OR4K1: variants seen among roughly 807,000 people sequenced by gnomAD.
The protein encoded by OR4K1 is olfactory receptor family 4 subfamily K member 1.
Under a neutral mutation model 14.4 loss-of-function variants are expected in OR4K1, and 16 were observed. That is an observed-to-expected ratio of 1.11 (90% CI 0.75 to 1.68). The LOEUF is 1.68. OR4K1 is among the 40% of genes most tolerant of loss of function. OR4K1 has a pLI of 0.00. For synonymous variants in OR4K1, 181 were observed against 133.1 expected, an observed-to-expected ratio of 1.36 and a Z score of -2.48; for missense variants, 548 against 376.9, an observed-to-expected ratio of 1.45 and a Z score of -3.76.
Position 19,935,788 on chromosome 14 carries a change from G to T in OR4K1, c.122G>T (p.Gly41Val). 1 of 1,614,128 alleles carries T rather than the reference G, an allele frequency of 6.2e-7. No homozygotes were observed. The highest frequency in any genetic ancestry group is 8.5e-7 in the Non-Finnish European group (1 of 1,179,982). ...ATAGTCTATGTGACATCAGTGCTAG[G>T]CAATGTCTTAATTATTGTCATTATT... Reference protein sequence around the residue: ...FSIVYVTSVLGNVLIIVIISF... With the variant: ...FSIVYVTSVLVNVLIIVIISF... Residue 41 changes from glycine (G) to valine (V), a missense_variant, in exon 2 of 2, where the codon GGC (glycine) becomes GTC (valine). Physicochemically the swap from Gly to Val is moderately radical, Grantham distance 109. Transcript: ENST00000641172.
intron 1 of OR4K1, among the ~76,000 whole-genome samples, chr14:19,935,397 C>A (rs1882281105): frequency 6.6e-6 from 1 of 152,146 alleles, no homozygotes; most frequent in Non-Finnish European, 1.5e-5. Context: ...ATTTTCATTT[C>A]TTTAGTATGT....
chr14:19,933,914 T>G (rs1295785262), intron 1 of OR4K1, among the ~76,000 whole-genome samples: 2 of 152,212 alleles, frequency 1.3e-5, no homozygotes, highest in Non-Finnish European at 2.9e-5. Flanking sequence ...ATTCAATTCT[T>G]CATAACCAAT....
At position 19,936,560 on chromosome 14, in the gene OR4K1, G is replaced by A. The variant is rs1178790605; in HGVS notation, c.894G>A (p.Met298Ile). Residue 298 changes from methionine to isoleucine, a missense_variant, in exon 2 of 2, where the codon ATG becomes ATA. Coordinates refer to ENST00000641172, the MANE Select transcript of OR4K1 (RefSeq NM_001004063.3). The stretch of plus-strand genomic sequence containing the variant: ...GGAATGAAGATGTTAAAGCAGCCAT[G>A]TGGAAGCTGAGAAACCGTCATGTGA... The part of the protein sequence containing the change: ...SLRNEDVKAA[M>I]WKLRNRHVNS... The A allele has an allele frequency of 1.9e-6, 3 of 1,609,054 alleles. No homozygotes were observed. Among genetic ancestry groups the A allele is most frequent in the Admixed American group, 3.4e-5 (2 of 58,994 alleles).
At chr14:19,933,767 A>G (rs1277003441) in intron 1 of OR4K1, among the ~76,000 whole-genome samples, 1 of 152,144 alleles carries the variant, frequency 6.6e-6, no homozygotes, top group Non-Finnish European at 1.5e-5. Context: ...TTGTATTTTT[A>G]GTAGAGACGG....
At chr14:19,920,979 GC>G in the OR4K1 span, 2 of 1,614,160 alleles carry the variant, frequency 1.2e-6, no homozygotes, top group Non-Finnish European at 1.7e-6. Flanking sequence ...CAGGTATGTA[GC>G]CATATGCAAA....
the OR4K1 span, chr14:19,921,629 T>A: frequency 6.6e-7 from 1 of 1,519,486 alleles, no homozygotes; most frequent in Non-Finnish European, 8.9e-7. Flanking sequence ...AATATTTTAA[T>A]GTATTTTTGT....
chr14:19,923,324 A>G, the OR4K1 span, among the ~76,000 whole-genome samples: 12 of 152,244 alleles, frequency 7.9e-5, no homozygotes, highest in Non-Finnish European at 1.6e-4. Context: ...TTTAAAATAA[A>G]TCTTGATGTC....
chr14:19,928,771 T>C (rs1179045550), upstream of OR4K1, among the ~76,000 whole-genome samples: 1 of 152,192 alleles, frequency 6.6e-6, no homozygotes, highest in Admixed American at 6.5e-5. Context: ...GTCTTATTAT[T>C]GTCATAGAGT....
the OR4K1 span, chr14:19,920,927 T>A: frequency 6.2e-7 from 1 of 1,614,200 alleles, no homozygotes; most frequent in Middle Eastern, 1.6e-4. Context: ...TTCACCTTTT[T>A]ACTGGAGGGG....
the OR4K1 span, chr14:19,921,562 G>A: frequency 0.036 from 56,949 of 1,599,898 alleles, 3,485 homozygotes; most frequent in East Asian, 0.46. Flanking sequence ...CTAGTAGTGA[G>A]AACTTCCTTT....
At chr14:19,925,446 T>G in the OR4K1 span, among the ~76,000 whole-genome samples, 3 of 152,264 alleles carry the variant, frequency 2.0e-5, no homozygotes, top group East Asian at 5.8e-4. Flanking sequence ...ATGAGTTAAT[T>G]AACATATTTC....
At position 19,935,847 on chromosome 14, in the gene OR4K1, T is replaced by A. The variant is rs771043100; in HGVS notation, c.181T>A (p.Phe61Ile). 6.2e-7 allele frequency: 1 copy of A among 1,614,272 alleles called. No homozygotes were observed. Among genetic ancestry groups the A allele is most frequent in the Non-Finnish European group, 8.5e-7 (1 of 1,180,046 alleles). The change falls in exon 2 of 2, where the codon TTC becomes ATC. Residue 61 changes from phenylalanine (F) to isoleucine (I), a missense_variant. Physicochemically the swap from Phe to Ile is conservative, Grantham distance 21 (BLOSUM62 0). Transcript: ENST00000641172. ...FDSHLNSPMY[F>I]LLSNLSFIDI... is the part of the protein sequence containing the mutation. ...CTCCCATTTGAACTCTCCTATGTAC[T>A]TCTTGCTCAGTAATCTTTCTTTCAT...
At chr14:19,928,884 G>T (rs924586291), upstream of OR4K1, among the ~76,000 whole-genome samples, 1 of 151,954 alleles carries the variant, frequency 6.6e-6, no homozygotes, top group African/African-American at 2.4e-5. Context: ...GATTTACAAG[G>T]AATTAGTCTC....
upstream of OR4K1, among the ~76,000 whole-genome samples, chr14:19,929,424 G>GAGAGAGAC (rs1882137608): frequency 6.7e-6 from 1 of 150,298 alleles, no homozygotes; most frequent in South Asian, 2.1e-4. Flanking sequence ...GGGAGAGAGA[G>GAGAGAGAC]AGAGACAGAG....
intron 1 of OR4K1, among the ~76,000 whole-genome samples, chr14:19,932,865 A>G (rs1250723091): frequency 6.6e-6 from 1 of 152,082 alleles, no homozygotes. Flanking sequence ...GTCATTTGTG[A>G]TAAGATTTGC....
At chr14:19,925,354 TAAAGA>T in the OR4K1 span, among the ~76,000 whole-genome samples, 1 of 151,758 alleles carries the variant, frequency 6.6e-6, no homozygotes, top group Non-Finnish European at 1.5e-5. Flanking sequence ...TCTCTCAGAA[TAAAGA>T]AAAGAAAAAA....
At position 19,934,870 on chromosome 14, in the gene OR4K1, A is replaced by C. The variant is rs865855736; in HGVS notation, c.-19-778A>C. Among the ~76,000 whole-genome samples the C allele has an allele frequency of 2.6e-5, 4 of 152,250 alleles. No individual in the cohort carries two copies. The South Asian group carries it at 8.3e-4, about 32-fold the overall frequency. On this transcript the variant is annotated intron_variant, in intron 1 of 1. Transcript: ENST00000641172. ...GTATTTTTAGTAGAGACGGGGTTTC[A>C]CCATGTTGGTCAGGCTGATCTTGAA...
the OR4K1 span, chr14:19,921,447 G>A: frequency 0.037 from 58,708 of 1,605,218 alleles, 3,553 homozygotes; most frequent in East Asian, 0.46. Flanking sequence ...TTTCACCCCC[G>A]TCCTAAACCC....
chr14:19,920,746 T>C, the OR4K1 span: 1 of 1,614,162 alleles, frequency 6.2e-7, no homozygotes. Context: ...CTCATTATCC[T>C]CACAGTGACT....
Sources: allele counts gnomAD v4.1 joint callset (sites outside exome capture counted in the v4.1 genomes callset), GRCh38; gene constraint gnomAD v4.1.1; transcripts MANE v1.5; gene names NCBI Gene and HGNC (gene_info 2026-07-23, HGNC 2026-07-21).